Variants in RAD51B observed in about 807,000 individuals in gnomAD.
RAD51B encodes RAD51 paralog B, also known as DNA repair protein RAD51 homolog 2.
RAD51B carries 38 observed loss-of-function variants against 42.2 expected under a neutral mutation model. The observed-to-expected ratio is 0.90, with a 90% CI of 0.70 to 1.18. The LOEUF (loss-of-function observed/expected upper bound fraction) is 1.18, where lower values mean the gene tolerates loss of function less well. Among genes scored for constraint, RAD51B ranks in the 50% most tolerant of loss-of-function variants. RAD51B has a pLI of 0.00. For synonymous variants in RAD51B, 154 were observed against 145.2 expected (o/e 1.06, Z -0.43); for missense variants, 373 against 400.7 (o/e 0.93, Z 0.59).
intron 4 of RAD51B, among the ~76,000 whole-genome samples, chr14:67,854,889 C>T (rs946365184): frequency 6.6e-6 from 1 of 152,104 alleles, no homozygotes; most frequent in African/African-American, 2.4e-5. Context: ...TCACTTGAGC[C>T]AGGAGTTCAA....
intron 5 of RAD51B, among the ~76,000 whole-genome samples, chr14:67,868,244 G>A (rs868548006): frequency 1.2e-4 from 19 of 152,254 alleles, no homozygotes; most frequent in Middle Eastern, 3.4e-3. Flanking sequence ...CATGCAAGCC[G>A]AAGCAGGGCG....
intron 10 of RAD51B, among the ~76,000 whole-genome samples, chr14:68,559,926 C>T (rs867793593): frequency 3.3e-5 from 5 of 152,140 alleles, no homozygotes; most frequent in Middle Eastern, 3.2e-3. Context: ...GCTGGCTGCG[C>T]GGCTCTTCCC....
At chr14:68,428,543 A>T (rs2084908373) in intron 9 of RAD51B, among the ~76,000 whole-genome samples, 2 of 151,434 alleles carry the variant, frequency 1.3e-5, no homozygotes, top group Non-Finnish European at 2.9e-5. Flanking sequence ...ACTTCTCCCA[A>T]TCCCTGGAAA....
intron 7 of RAD51B, among the ~76,000 whole-genome samples, chr14:68,157,422 A>G (rs919559471): frequency 1.3e-5 from 2 of 152,196 alleles, no homozygotes; most frequent in African/African-American, 2.4e-5. Context: ...ATTGTGAAAG[A>G]TGGGGATACT....
rs142410682 is a variant in RAD51B at position 67,971,958 on chromosome 14, A to G, written c.756+84754A>G. The stretch of plus-strand genomic sequence containing the variant: ...TAAGATAAAAGATAGCATTACCACA[A>G]CAGTGCATTTTTCTACCTTTAACAC... On this transcript the variant is annotated intron_variant, in intron 7 of 10. Coordinates refer to ENST00000471583, the MANE Select transcript of RAD51B (RefSeq NM_133510.4). Among the ~76,000 whole-genome samples, 54 of 151,708 alleles carry G rather than the reference A, an allele frequency of 3.6e-4. 1 individual carries two copies. In the East Asian group the frequency reaches 6.6e-3, roughly 18 times the overall value.
intron 7 of RAD51B, among the ~76,000 whole-genome samples, chr14:68,212,104 A>G (rs1192668093): frequency 1.3e-5 from 2 of 152,224 alleles, no homozygotes; most frequent in South Asian, 2.1e-4. Context: ...GCCTAAGTCT[A>G]TTCAACTCTG....
intron 10 of RAD51B, among the ~76,000 whole-genome samples, chr14:68,502,607 G>A (rs1043912986): frequency 1.3e-5 from 2 of 152,164 alleles, no homozygotes; most frequent in African/African-American, 2.4e-5. Context: ...CCTACCTTTC[G>A]GAAACAAATA....
At chr14:68,099,636 C>T (rs1191768841) in intron 7 of RAD51B, among the ~76,000 whole-genome samples, 1 of 151,400 alleles carries the variant, frequency 6.6e-6, no homozygotes, top group South Asian at 2.1e-4. Flanking sequence ...ATGTAGAGTC[C>T]AAAGAGAAAA....
intron 7 of RAD51B, among the ~76,000 whole-genome samples, chr14:68,290,327 G>A (rs1052933080): frequency 6.6e-6 from 1 of 152,156 alleles, no homozygotes; most frequent in East Asian, 1.9e-4. Flanking sequence ...TTCTTCCCAC[G>A]ATGAGAACAT....
At chr14:68,552,426 C>G (rs1888624825) in intron 10 of RAD51B, among the ~76,000 whole-genome samples, 1 of 152,204 alleles carries the variant, frequency 6.6e-6, no homozygotes, top group South Asian at 2.1e-4. Flanking sequence ...CTCCCCCAAA[C>G]ATTTGCAAAG....
intron 7 of RAD51B, among the ~76,000 whole-genome samples, chr14:68,191,265 T>C (rs1307229577): frequency 6.6e-6 from 1 of 152,172 alleles, no homozygotes; most frequent in East Asian, 1.9e-4. Context: ...AAATTAAGCA[T>C]ATGTGTTTGG....
intron 7 of RAD51B, among the ~76,000 whole-genome samples, chr14:68,067,432 C>A (rs139905111): frequency 0.017 from 2,475 of 146,514 alleles, 30 homozygotes; most frequent in African/African-American, 0.038. Flanking sequence ...CCACTGCACT[C>A]CAACCTGGGC....
At chr14:68,562,650 G>A in intron 10 of RAD51B, 1 of 985,450 alleles carries the variant, frequency 1.0e-6, no homozygotes, top group African/African-American at 1.7e-5. Context: ...GAGGACCTAA[G>A]CAAATGAGAG....
intron 7 of RAD51B, among the ~76,000 whole-genome samples, chr14:67,921,589 A>T (rs1224668782): frequency 6.7e-6 from 1 of 149,932 alleles, no homozygotes; most frequent in African/African-American, 2.4e-5. Context: ...ACACACACAC[A>T]CACACACACA....
intron 8 of RAD51B, among the ~76,000 whole-genome samples, chr14:68,312,946 C>T (rs1346971848): frequency 2.6e-5 from 4 of 152,134 alleles, no homozygotes; most frequent in African/African-American, 9.7e-5. Flanking sequence ...AGAAAAAGCC[C>T]TTGGTTGGGT....
rs950418554 is a variant in RAD51B, at chr14:67,886,177, T to C, written c.572+189T>C. ...TGAAAAACAAAAAAAATTAAATGAA[T>C]AAAATGTTCTGTATTTAATTAATTA... On this transcript the variant is annotated intron_variant, in intron 6 of 10. Transcript: ENST00000471583. Among the ~76,000 whole-genome samples, 4 of 152,212 alleles carry C rather than the reference T, an allele frequency of 2.6e-5. No individual in the cohort carries two copies. The East Asian group carries it at 7.7e-4, about 29-fold the overall frequency.
At chr14:68,195,212 T>C (rs2079344771) in intron 7 of RAD51B, among the ~76,000 whole-genome samples, 1 of 152,240 alleles carries the variant, frequency 6.6e-6, no homozygotes, top group African/African-American at 2.4e-5. Context: ...CCATCTTTAC[T>C]CATTTGTTCA....
At chr14:68,208,583 A>G (rs1396703981) in intron 7 of RAD51B, among the ~76,000 whole-genome samples, 2 of 152,198 alleles carry the variant, frequency 1.3e-5, no homozygotes, top group Non-Finnish European at 2.9e-5. Flanking sequence ...TCACAGAGTC[A>G]TGGAATATTA....
chr14:67,933,792 C>G (rs907192456), intron 7 of RAD51B, among the ~76,000 whole-genome samples: 1 of 152,108 alleles, frequency 6.6e-6, no homozygotes, highest in Admixed American at 6.6e-5. Flanking sequence ...TTGGTTCTTT[C>G]TGGAGAGGGT....
Sources: gnomAD v4.1 joint callset for allele counts (sites outside exome capture counted in the v4.1 genomes callset) on GRCh38, gnomAD v4.1.1 for gene constraint, MANE v1.5 for transcripts, NCBI Gene and HGNC (gene_info 2026-07-23, HGNC 2026-07-21) for gene names.